Variants in TRIM26 observed in about 807,000 individuals in gnomAD.
The protein encoded by TRIM26 is tripartite motif-containing protein 26.
TRIM26 carries 16 observed loss-of-function variants against 45.5 expected under a neutral mutation model. The observed-to-expected ratio is 0.35, with a 90% CI of 0.24 to 0.53. TRIM26 has a LOEUF of 0.53. Ranked by LOEUF, TRIM26 falls within the 20% of genes least tolerant of loss-of-function variation. The pLI, the probability that TRIM26 is intolerant of heterozygous loss-of-function variation, is 0.92. For synonymous variants in TRIM26, 273 were observed against 290.4 expected (o/e 0.94, Z 0.61); for missense variants, 442 against 691.1 (o/e 0.64, Z 4.04).
chr6:30,188,300 T>A, intron 9 of TRIM26: 1 of 527,172 alleles, frequency 1.9e-6, no homozygotes, highest in Non-Finnish European at 3.1e-6. Flanking sequence ...GCATCATCTG[T>A]TGTAACACAA....
chr6:30,189,455 T>A lies in TRIM26; in HGVS notation c.867A>T (p.Lys289Asn). 1 of 1,612,442 alleles carries A rather than the reference T, an allele frequency of 6.2e-7. No homozygotes were observed. Among genetic ancestry groups the A allele is most frequent in the Non-Finnish European group, 8.5e-7 (1 of 1,179,914 alleles). ...VKKKTGEFSD[K>N]LLSLQRGLRE... ...TCAGGCCTCGTTGCAGAGAGAGGAGTTTATCTGAGAATTCTCCGGTCTTTT... is the reference window on the plus strand; with the variant it reads ...TCAGGCCTCGTTGCAGAGAGAGGAGATTATCTGAGAATTCTCCGGTCTTTT... Residue 289 changes from lysine (K) to asparagine (N), a missense_variant, in exon 8 of 10, where the codon AAA (lysine) becomes AAT (asparagine). Lys to Asn is a moderately conservative substitution (Grantham distance 94, BLOSUM62 0). Coordinates refer to ENST00000454678, the MANE Select transcript of TRIM26 (RefSeq NM_003449.5). The surrounding 1 kb of genome is among the most constrained non-coding windows in gnomAD (Gnocchi z 5.0).
chr6:30,210,209 CAA>C (rs9278613), intron 1 of TRIM26, among the ~76,000 whole-genome samples: 5 of 145,106 alleles, frequency 3.4e-5, no homozygotes, highest in Admixed American at 6.8e-5. Flanking sequence ...TGACTCAAAA[CAA>C]AAAAAAAAAA....
In TRIM26 at chr6:30,184,466, A is replaced by C. The variant is rs1774937563; in HGVS notation, c.*1410T>G. 6.6e-6 allele frequency: 1 copy of C among 152,268 alleles called. No homozygotes were observed. The highest frequency in any genetic ancestry group is 2.4e-5 in the African/African-American group (1 of 41,446). 9.4% of individuals were successfully genotyped at this position (152,268 alleles called of 1,614,324 possible). A position where few individuals can be genotyped will look rare whatever the true frequency, so the allele number is the denominator to read the frequency against. ...AGATCTCCAGGCTGTTCATTCAACA[A>C]GTCTTTATTGAGCACCTACTCTGTG... On this transcript the variant is annotated 3_prime_UTR_variant, in exon 10 of 10. Coordinates refer to ENST00000454678, the MANE Select transcript of TRIM26 (RefSeq NM_003449.5).
At chr6:30,211,153 CA>C (rs1232327467) in intron 1 of TRIM26, among the ~76,000 whole-genome samples, 1 of 151,954 alleles carries the variant, frequency 6.6e-6, no homozygotes, top group Non-Finnish European at 1.5e-5. Flanking sequence ...CCTTTCACTA[CA>C]CACCCCCCTT....
At chr6:30,208,515 C>CTTTTTTTTT (rs35809533) in intron 1 of TRIM26, among the ~76,000 whole-genome samples, 3 of 128,224 alleles carry the variant, frequency 2.3e-5, no homozygotes. Context: ...AATTTTTTTC[C>CTTTTTTTTT]TTTTTTTTTT....
chr6:30,200,218 G>A (rs1467504391), intron 3 of TRIM26, among the ~76,000 whole-genome samples: 2 of 152,134 alleles, frequency 1.3e-5, no homozygotes, highest in African/African-American at 4.8e-5. Flanking sequence ...GGAGGTGGAG[G>A]CTACAGTGAG....
Position 30,196,588 on chromosome 6 carries a change from C to T in TRIM26, c.693G>A (p.Glu231=), listed in dbSNP as rs1776488873. The T allele has an allele frequency of 9.3e-6, 15 of 1,613,252 alleles. No individual in the cohort carries two copies. The highest frequency in any genetic ancestry group is 1.3e-5 in the Non-Finnish European group (15 of 1,180,046). ...AGATGACCAGGGCCAGCCGGGCAAG[C>T]TCCCCGACGCCCCGGCTCTTGAACT... ...REKFKSRGVG[E]LARLALVISE... is the part of the protein sequence containing the mutation. The change falls in exon 6 of 10, where the codon GAG becomes GAA. Residue 231 remains glutamate, a synonymous_variant. Coordinates refer to ENST00000454678, the MANE Select transcript of TRIM26 (RefSeq NM_003449.5). This position sits in a 1 kb window ranked among gnomAD's most constrained non-coding sequence, Gnocchi z 4.9.
rs774105259 is a variant in TRIM26 at position 30,209,602 on chromosome 6, T to C, written c.-376+3703A>G. Among the ~76,000 whole-genome samples, 213 of 152,258 alleles carry C rather than the reference T, an allele frequency of 1.4e-3. No individual in the cohort carries two copies. Among genetic ancestry groups the C allele is most frequent in the Non-Finnish European group, 2.6e-3 (176 of 68,022 alleles). On this transcript the variant is annotated intron_variant, in intron 1 of 9. Coordinates refer to ENST00000454678, the MANE Select transcript of TRIM26 (RefSeq NM_003449.5). This position sits in a 1 kb window ranked among gnomAD's most constrained non-coding sequence, Gnocchi z 4.8. ...GCAACAGAAAATGGATTAAGACAAATAGCATCTTAGATTTGGTGAGATGTG... is the reference window on the plus strand; with the variant it reads ...GCAACAGAAAATGGATTAAGACAAACAGCATCTTAGATTTGGTGAGATGTG...
At chr6:30,191,404 T>TAAAAA (rs5875241) in intron 6 of TRIM26, among the ~76,000 whole-genome samples, 1 of 127,286 alleles carries the variant, frequency 7.9e-6, no homozygotes. Context: ...TCAGAACAGT[T>TAAAAA]AAAAAAAAAA....
At position 30,196,344 on chromosome 6, in the gene TRIM26, T is replaced by A. The variant is rs1366104660; in HGVS notation, c.765+172A>T. 2.0e-5 allele frequency among the ~76,000 whole-genome samples: 3 copies of A among 152,266 alleles called. No homozygotes were observed. Among genetic ancestry groups the A allele is most frequent in the African/African-American group, 7.2e-5 (3 of 41,476 alleles). On this transcript the variant is annotated intron_variant, in intron 6 of 9. Transcript: ENST00000454678. This position sits in a 1 kb window ranked among gnomAD's most constrained non-coding sequence, Gnocchi z 4.9. Reference sequence around the variant, plus strand: ...TTGAAGTGACAGCATGCCAGTTATTTCATTTTATGCTCATGCAATCTACAG... The same window carrying A: ...TTGAAGTGACAGCATGCCAGTTATTACATTTTATGCTCATGCAATCTACAG...
chr6:30,198,479 T>C lies in TRIM26; in HGVS notation c.484A>G (p.Lys162Glu). 6.2e-7 allele frequency: 1 copy of C among 1,613,114 alleles called. No individual in the cohort carries two copies. The highest frequency in any genetic ancestry group is 1.1e-5 in the South Asian group (1 of 91,082). ...HLSTLRRDRD[K>E]IQGFQAKGEA... Reference sequence around the variant, plus strand: ...CCCTTTGCCTGGAAGCCCTGAATTTTGTCTCTGTCCCTCCTTAGGGTACTC... The same window carrying C: ...CCCTTTGCCTGGAAGCCCTGAATTTCGTCTCTGTCCCTCCTTAGGGTACTC... Residue 162 changes from lysine (K) to glutamate (E), a missense_variant, in exon 5 of 10, where the codon AAA becomes GAA. Transcript: ENST00000454678. This position sits in a 1 kb window ranked among gnomAD's most constrained non-coding sequence, Gnocchi z 6.3.
chr6:30,196,687 G>A lies in TRIM26; in HGVS notation c.594C>T (p.Phe198=), dbSNP rs201316621. The A allele has an allele frequency of 1.7e-5, 28 of 1,614,094 alleles. No individual in the cohort carries two copies. The highest frequency in any genetic ancestry group is 4.2e-6 in the Non-Finnish European group (5 of 1,180,050). Residue 198 remains phenylalanine, a synonymous_variant, in exon 6 of 10, where the codon TTC becomes TTT. Transcript: ENST00000454678. The surrounding 1 kb of genome is among the most constrained non-coding windows in gnomAD (Gnocchi z 4.9). ...GCAGGTGTTCCTCCCGCTCCCTCAG[G>A]AACTGATGACCCTGCTCAAACTCAG... ...IVAEFEQGHQ[F]LREREEHLLE... is the part of the protein sequence containing the mutation.
intron 1 of TRIM26, among the ~76,000 whole-genome samples, chr6:30,210,658 C>T (rs1778194805): frequency 6.6e-6 from 1 of 152,162 alleles, no homozygotes; most frequent in Admixed American, 6.5e-5. Flanking sequence ...TTCTCCTACA[C>T]ATACACACTT....
chr6:30,206,111 C>A (rs990035472), intron 1 of TRIM26, among the ~76,000 whole-genome samples: 7 of 152,226 alleles, frequency 4.6e-5, no homozygotes, highest in Admixed American at 4.6e-4. Context: ...CCAGATTAAT[C>A]CCCATATTTT....
intron 6 of TRIM26, among the ~76,000 whole-genome samples, chr6:30,193,685 T>A (rs1776181965): frequency 6.6e-6 from 1 of 152,220 alleles, no homozygotes; most frequent in African/African-American, 2.4e-5. Context: ...TTTAACAATA[T>A]TAATTCTAAT....
At chr6:30,188,554 C>A in intron 9 of TRIM26, 1 of 243,566 alleles carries the variant, frequency 4.1e-6, no homozygotes, top group Non-Finnish European at 8.4e-6. Context: ...CTCAGTTCTG[C>A]TATGGGATTT....
rs914831401 is a variant in TRIM26 at position 30,189,888 on chromosome 6, T to G, written c.788+125A>C. ...CCTGCTCCTCAGAAGGGCATCAGGA[T>G]GAACCATGGGATGTGAGTACCTCTG... is the stretch of plus-strand genomic sequence containing the variant. On this transcript the variant is annotated intron_variant, in intron 7 of 9. Coordinates refer to ENST00000454678, the MANE Select transcript of TRIM26 (RefSeq NM_003449.5). This position sits in a 1 kb window ranked among gnomAD's most constrained non-coding sequence, Gnocchi z 5.0. The G allele has an allele frequency of 6.9e-6, 8 of 1,164,806 alleles. No homozygotes were observed. Among genetic ancestry groups the G allele is most frequent in the Non-Finnish European group, 1.0e-5 (8 of 785,720 alleles). 72.2% of individuals were successfully genotyped at this position (1,164,806 alleles called of 1,614,324 possible).
intron 9 of TRIM26, chr6:30,187,563 G>A (rs1775316507): frequency 4.3e-6 from 2 of 469,986 alleles, no homozygotes; most frequent in South Asian, 1.7e-5. Flanking sequence ...TTGGCGGAAG[G>A]TGCTACTCTC....
At chr6:30,210,897 T>C (rs1008324561) in intron 1 of TRIM26, among the ~76,000 whole-genome samples, 1 of 152,120 alleles carries the variant, frequency 6.6e-6, no homozygotes, top group African/African-American at 2.4e-5. Flanking sequence ...CTTCTGGAAT[T>C]TTCTGTTTAC....
Sources: allele counts gnomAD v4.1 joint callset (sites outside exome capture counted in the v4.1 genomes callset), GRCh38; gene constraint gnomAD v4.1.1; non-coding constraint Gnocchi (gnomAD v3.1); transcripts MANE v1.5; gene names NCBI Gene and HGNC (gene_info 2026-07-23, HGNC 2026-07-21).